The following MPIG6B variants were observed in gnomAD, a reference collection of about 807,000 sequenced individuals.
The protein encoded by MPIG6B is megakaryocyte and platelet inhibitory receptor G6b, also known as immunoglobulin receptor.
Under a neutral mutation model 24.2 loss-of-function variants are expected in MPIG6B, and 22 were observed. That is an observed-to-expected ratio of 0.91 (90% CI 0.65 to 1.30). MPIG6B has a LOEUF of 1.30. MPIG6B is among the 50% of genes most tolerant of loss of function. The probability of loss-of-function intolerance (pLI) is 0.00; values close to 1 mark genes in which losing one functional copy is unlikely to be tolerated. For synonymous variants in MPIG6B, 136 were observed against 142.0 expected (o/e 0.96, Z 0.30); for missense variants, 301 against 318.5 (o/e 0.94, Z 0.42).
chr6:31,726,712 G>A lies in MPIG6B; in HGVS notation c.*1638G>A, dbSNP rs1807396029. 1 of 152,832 alleles carries A rather than the reference G, an allele frequency of 6.5e-6. No homozygotes were observed. Among genetic ancestry groups the A allele is most frequent in the Non-Finnish European group, 1.5e-5 (1 of 68,424 alleles). The allele number at this position is 152,832 out of a possible 1,614,324, so 9.5% of individuals were successfully genotyped here. A position where few individuals can be genotyped will look rare whatever the true frequency, so the allele number is the denominator to read the frequency against. On this transcript the variant is annotated 3_prime_UTR_variant, in exon 6 of 6. Coordinates refer to ENST00000649779, the MANE Select transcript of MPIG6B (RefSeq NM_138272.3). This position sits in a 1 kb window ranked among gnomAD's most constrained non-coding sequence, Gnocchi z 5.1. The stretch of plus-strand genomic sequence containing the variant: ...CCTCATTAAATGAATGAATGAAAAT[G>A]AATGTCCCTGGAAGTGTCATTTCTT...
At chr6:31,722,248 G>A (rs1463295813), upstream of MPIG6B, among the ~76,000 whole-genome samples, 1 of 152,166 alleles carries the variant, frequency 6.6e-6, no homozygotes, top group East Asian at 1.9e-4. Flanking sequence ...TCAGCAATAA[G>A]TGACTCACTG....
rs888497501 is a variant in MPIG6B, at chr6:31,725,293, A to C, written c.*219A>C. 3 of 553,092 alleles carry C rather than the reference A, an allele frequency of 5.4e-6. No individual in the cohort carries two copies. Among genetic ancestry groups the C allele is most frequent in the Non-Finnish European group, 9.6e-6 (3 of 313,164 alleles). 34.3% of individuals were successfully genotyped at this position (553,092 alleles called of 1,614,324 possible). A position where few individuals can be genotyped will look rare whatever the true frequency, so the allele number is the denominator to read the frequency against. ...CTATAACCTCCATGTCTCCCTCACC[A>C]CCAGTGTCCTCTCTATACCCAATCA... is the stretch of plus-strand genomic sequence containing the variant. On this transcript the variant is annotated 3_prime_UTR_variant, in exon 6 of 6. Transcript: ENST00000649779. The surrounding 1 kb of genome is among the most constrained non-coding windows in gnomAD (Gnocchi z 5.2).
At chr6:31,724,118 C>T in intron 2 of MPIG6B, 24 bp from the exon 3 acceptor site, 2 of 1,603,272 alleles carry the variant, frequency 1.2e-6, no homozygotes, top group Non-Finnish European at 8.5e-7. Context: ...CTCAGCATCC[C>T]TCCCCGCCAC....
At chr6:31,723,316 TCCGGTCCCC>T, upstream of MPIG6B, 1 of 955,540 alleles carries the variant, frequency 1.0e-6, no homozygotes, top group Non-Finnish European at 1.5e-6. This position sits in a 1 kb window ranked among gnomAD's most constrained non-coding sequence, Gnocchi z 4.3. Flanking sequence ...CTAACTTCCC[TCCGGTCCCC>T]CCCCAACCGG....
At position 31,723,825 on chromosome 6, in the gene MPIG6B, G is replaced by T. The variant is rs200855070; in HGVS notation, c.248G>T (p.Arg83Leu). The change falls in exon 2 of 6, where the codon CGC becomes CTC. Residue 83 changes from arginine (R) to leucine (L), a missense_variant. Physicochemically the swap from Arg to Leu is moderately radical, Grantham distance 102. Transcript: ENST00000649779. This position sits in a 1 kb window ranked among gnomAD's most constrained non-coding sequence, Gnocchi z 4.3. ...CCTCCCCTCCAGCCTTTCGTCGGCC[G>T]CCTACGCTCCCTGGACTCTGGTATC... ...TVPPLQPFVG[R>L]LRSLDSGIRR... The T allele has an allele frequency of 3.1e-6, 5 of 1,613,092 alleles. No homozygotes were observed. Among genetic ancestry groups the T allele is most frequent in the Non-Finnish European group, 4.2e-6 (5 of 1,179,664 alleles).
intron 2 of MPIG6B, 25 bp from the exon 3 acceptor site, chr6:31,724,117 C>A: frequency 6.2e-7 from 1 of 1,601,632 alleles, no homozygotes; most frequent in Non-Finnish European, 8.5e-7. Context: ...CCTCAGCATC[C>A]CTCCCCGCCA....
At chr6:31,724,346 C>A in intron 3 of MPIG6B, 114 bp downstream of exon 3, 1 of 970,076 alleles carries the variant, frequency 1.0e-6, no homozygotes. Context: ...CCTGGCTTGG[C>A]GAAGAATGGG....
At chr6:31,720,795 G>C (rs928763762), upstream of MPIG6B, among the ~76,000 whole-genome samples, 4 of 152,308 alleles carry the variant, frequency 2.6e-5, no homozygotes, top group East Asian at 7.7e-4. This position sits in a 1 kb window ranked among gnomAD's most constrained non-coding sequence, Gnocchi z 4.9. Context: ...TGATACCTGA[G>C]AGACAGATCA....
intron 3 of MPIG6B, 37 bp from the exon 4 acceptor site, chr6:31,724,550 G>A (rs1284945983): frequency 1.3e-6 from 2 of 1,578,968 alleles, no homozygotes; most frequent in Non-Finnish European, 1.7e-6. Flanking sequence ...AGTGAGACAA[G>A]ACTGGTGGTT....
chr6:31,723,709 G>C lies in MPIG6B; in HGVS notation c.132G>C (p.Trp44Cys), dbSNP rs1483726517. 1.6e-5 allele frequency: 26 copies of C among 1,611,940 alleles called. No individual in the cohort carries two copies. The highest frequency in any genetic ancestry group is 2.1e-5 in the Non-Finnish European group (25 of 1,179,566). ...SCGGVSHPIR[W>C]VWAPSFPACK... ...GAGGAGTCTCTCATCCCATCCGCTG[G>C]GTCTGGGCACCCAGCTTCCCGGCCT... Residue 44 changes from tryptophan (W) to cysteine (C), a missense_variant, in exon 2 of 6, where the codon TGG becomes TGC. By Grantham distance (215) the Trp-to-Cys change is radical. Transcript: ENST00000649779. This position sits in a 1 kb window ranked among gnomAD's most constrained non-coding sequence, Gnocchi z 4.3.
At position 31,724,843 on chromosome 6, in the gene MPIG6B, C is replaced by T. The variant is rs145133672; in HGVS notation, c.620C>T (p.Pro207Leu). ...PKIPGDLDQE[P>L]SLLYADLDHL... ...ATTCCAGGGGACCTGGACCAGGAAC[C>T]GGTAAGGGCATGGGGATGGGAAGGG... The change falls in exon 5 of 6, where the codon CCG becomes CTG. Residue 207 changes from proline to leucine, a missense_variant and splice_region_variant. Transcript: ENST00000649779. 1.4e-5 allele frequency: 22 copies of T among 1,613,636 alleles called. No individual in the cohort carries two copies. The highest frequency in any genetic ancestry group is 2.7e-5 in the African/African-American group (2 of 74,874).
chr6:31,724,126 C>T lies in MPIG6B; in HGVS notation c.410-16C>T. On this transcript the variant is annotated splice_polypyrimidine_tract_variant and intron_variant, in intron 2 of 5. Transcript: ENST00000649779. ...CCCTGACCTCAGCATCCCTCCCCGC[C>T]ACGCCTTTCCCCCAGGGTCCGTGTA... is the stretch of plus-strand genomic sequence containing the variant. 1 of 1,609,278 alleles carries T rather than the reference C, an allele frequency of 6.2e-7. No homozygotes were observed. Among genetic ancestry groups the T allele is most frequent in the Non-Finnish European group, 8.5e-7 (1 of 1,177,202 alleles).
intron 2 of MPIG6B, 72 bp from the exon 3 acceptor site, chr6:31,724,070 G>C: frequency 1.9e-6 from 3 of 1,574,012 alleles, no homozygotes; most frequent in Non-Finnish European, 2.6e-6. Flanking sequence ...GGGGGTTCTT[G>C]AGCGGGACTG....
At chr6:31,721,683 G>A (rs780463007), upstream of MPIG6B, 19 of 1,613,910 alleles carry the variant, frequency 1.2e-5, no homozygotes, top group East Asian at 6.7e-5. Context: ...CTTTCATGGC[G>A]AGGGTCCTGA....
chr6:31,721,483 T>A, upstream of MPIG6B: 1 of 628,148 alleles, frequency 1.6e-6, no homozygotes, highest in Non-Finnish European at 2.8e-6. Context: ...TAGGGAAGCC[T>A]GGTCTTGGTG....
rs1478478223 is a variant in MPIG6B, at chr6:31,724,172, T to C, written c.440T>C (p.Leu147Pro). The change falls in exon 3 of 6, where the codon CTG becomes CCG. Residue 147 changes from leucine to proline, a missense_variant. Physicochemically the swap from Leu to Pro is moderately conservative, Grantham distance 98 (BLOSUM62 -3). Transcript: ENST00000649779. ...GSVYPQLLIP[L>P]LGAGLVLGLG... is the part of the protein sequence containing the mutation. ...GTGTATCCCCAGCTCCTGATCCCGC[T>C]GCTGGGCGCTGGGTTGGTGCTCGGA... is the stretch of plus-strand genomic sequence containing the variant. 6.2e-7 allele frequency: 1 copy of C among 1,613,218 alleles called. No individual in the cohort carries two copies. Among genetic ancestry groups the C allele is most frequent in the Non-Finnish European group, 8.5e-7 (1 of 1,179,978 alleles).
Position 31,726,288 on chromosome 6 carries a change from GGTACTACA to G in MPIG6B, c.*1216_*1223del, listed in dbSNP as rs1281338464. On this transcript the variant is annotated 3_prime_UTR_variant, in exon 6 of 6. Coordinates refer to ENST00000649779, the MANE Select transcript of MPIG6B (RefSeq NM_138272.3). The surrounding 1 kb of genome is among the most constrained non-coding windows in gnomAD (Gnocchi z 5.1). ...CCACGTGCCTTGGCTTTGGATACAA[GGTACTACA>G]GCACTTTGTCCACTCTCCAGGCTTA... The G allele has an allele frequency of 6.6e-6, 1 of 152,246 alleles. No individual in the cohort carries two copies. Among genetic ancestry groups the G allele is most frequent in the Non-Finnish European group, 1.5e-5 (1 of 68,060 alleles). The allele number at this position is 152,246 out of a possible 1,614,324, so 9.4% of individuals were successfully genotyped here.
At chr6:31,723,272 T>A, upstream of MPIG6B, 1 of 782,342 alleles carries the variant, frequency 1.3e-6, no homozygotes. This position sits in a 1 kb window ranked among gnomAD's most constrained non-coding sequence, Gnocchi z 4.3. Flanking sequence ...CCCTCTCTTA[T>A]CGGAGCCCCC....
chr6:31,724,980 A>G lies in MPIG6B; in HGVS notation c.632A>G (p.Tyr211Cys). 2.5e-6 allele frequency: 4 copies of G among 1,613,690 alleles called. No individual in the cohort carries two copies. The highest frequency in any genetic ancestry group is 2.5e-6 in the Non-Finnish European group (3 of 1,179,946). Reference sequence around the variant, plus strand: ...CCCTTCCTCCTCCAGAGCCTGCTCTATGCGGATCTGGACCATCTAGCCCTC... The same window carrying G: ...CCCTTCCTCCTCCAGAGCCTGCTCTGTGCGGATCTGGACCATCTAGCCCTC... ...GDLDQEPSLL[Y>C]ADLDHLALSR... Residue 211 changes from tyrosine (Y) to cysteine (C), a missense_variant, in exon 6 of 6, where the codon TAT becomes TGT. By Grantham distance (194) the Tyr-to-Cys change is radical. Coordinates refer to ENST00000649779, the MANE Select transcript of MPIG6B (RefSeq NM_138272.3).
Sources: gnomAD v4.1 joint callset for allele counts (sites outside exome capture counted in the v4.1 genomes callset) on GRCh38, gnomAD v4.1.1 for gene constraint, Gnocchi (gnomAD v3.1) non-coding constraint, MANE v1.5 for transcripts, NCBI Gene and HGNC (gene_info 2026-07-23, HGNC 2026-07-21) for gene names.